Variants in FRK observed in about 807,000 individuals in gnomAD.
FRK encodes tyrosine-protein kinase FRK.
FRK carries 51 observed loss-of-function variants against 56.4 expected under a neutral mutation model. That is an observed-to-expected ratio of 0.90 (90% CI 0.72 to 1.14). The LOEUF is 1.14. Ranked by LOEUF, FRK falls within the 50% of genes most tolerant of loss-of-function variation. FRK has a pLI of 0.00. For synonymous variants in FRK, 245 were observed against 217.9 expected (o/e 1.12, Z -1.10); for missense variants, 570 against 601.4 (o/e 0.95, Z 0.55).
At chr6:116,050,139 C>T (rs780452729) in intron 1 of FRK, among the ~76,000 whole-genome samples, 9 of 152,166 alleles carry the variant, frequency 5.9e-5, no homozygotes, top group Non-Finnish European at 1.2e-4. Flanking sequence ...TGGCACTTAA[C>T]GGCTAGACCT....
chr6:115,973,603 C>T (rs933786954), intron 2 of FRK, among the ~76,000 whole-genome samples: 1 of 152,158 alleles, frequency 6.6e-6, no homozygotes, highest in Non-Finnish European at 1.5e-5. Context: ...GGCATGGTGG[C>T]TCATGCCTGT....
rs1268937775 is a variant in FRK, at chr6:115,938,157, C to T, written c.*4257G>A. On this transcript the variant is annotated 3_prime_UTR_variant, in exon 8 of 8. Coordinates refer to ENST00000606080, the MANE Select transcript of FRK (RefSeq NM_002031.3). ...AGACCACAGTGCAATCAAATTAGAA[C>T]TCAGGATTAAAACTGACAGAAAACC... The T allele has an allele frequency of 1.3e-5, 2 of 152,150 alleles. No homozygotes were observed. Among genetic ancestry groups the T allele is most frequent in the Admixed American group, 1.3e-4 (2 of 15,282 alleles). The allele number at this position is 152,150 out of a possible 1,614,324, so 9.4% of individuals were successfully genotyped here.
intron 1 of FRK, among the ~76,000 whole-genome samples, chr6:116,015,237 T>C (rs1775607252): frequency 1.3e-5 from 2 of 152,170 alleles, no homozygotes; most frequent in South Asian, 2.1e-4. Flanking sequence ...GCCGTTCTCA[T>C]GGTAGTGAGT....
At chr6:116,002,967 G>A (rs112713496) in intron 2 of FRK, among the ~76,000 whole-genome samples, 4,681 of 152,234 alleles carry the variant, frequency 0.031, 91 homozygotes, top group Non-Finnish European at 0.048. Context: ...GCTTTCATGC[G>A]GCATCATGAC....
intron 1 of FRK, chr6:116,039,571 C>A: frequency 1.2e-6 from 1 of 842,530 alleles, no homozygotes; most frequent in South Asian, 1.3e-5. Context: ...TGCCCCTCCC[C>A]TGCACATGTT....
At chr6:116,049,266 T>C (rs562365706) in intron 1 of FRK, among the ~76,000 whole-genome samples, 43 of 152,320 alleles carry the variant, frequency 2.8e-4, no homozygotes, top group Middle Eastern at 3.4e-3. Flanking sequence ...TCAGCTAAAC[T>C]CTACAACTTG....
intron 2 of FRK, among the ~76,000 whole-genome samples, chr6:115,974,114 T>G (rs1038894259): frequency 1.3e-5 from 2 of 152,116 alleles, no homozygotes; most frequent in African/African-American, 4.8e-5. Context: ...TAATTGGAAA[T>G]GATGGGAAGC....
chr6:116,063,840 TA>T (rs575032678), upstream of FRK, among the ~76,000 whole-genome samples: 1 of 151,858 alleles, frequency 6.6e-6, no homozygotes. Context: ...TATTTTTTTT[TA>T]AAAAAAGTAT....
rs530298504 is a variant in FRK, at chr6:115,990,708, A to G, written c.466+13169T>C. ...ATGTAGCATGAAGTTGGGTAATGTGATGCCTCCAACTTTGTTCCTTTTGCT... is the reference window on the plus strand; with the variant it reads ...ATGTAGCATGAAGTTGGGTAATGTGGTGCCTCCAACTTTGTTCCTTTTGCT... On this transcript the variant is annotated intron_variant, in intron 2 of 7. Coordinates refer to ENST00000606080, the MANE Select transcript of FRK (RefSeq NM_002031.3). 3.3e-5 allele frequency among the ~76,000 whole-genome samples: 5 copies of G among 152,030 alleles called. No individual in the cohort carries two copies. In the South Asian group the frequency reaches 1.0e-3, roughly 31 times the overall value.
the FRK span, among the ~76,000 whole-genome samples, chr6:116,095,608 T>C: frequency 1.8e-3 from 270 of 152,324 alleles, 3 homozygotes; most frequent in African/African-American, 5.8e-3. Flanking sequence ...CCCCTACTTA[T>C]AGGGTTAGAA....
At chr6:116,085,076 C>T in the FRK span, among the ~76,000 whole-genome samples, 395 of 152,100 alleles carry the variant, frequency 2.6e-3, 10 homozygotes, top group South Asian at 0.044. Context: ...TGTGTGAAAG[C>T]GTGGCTGAGG....
chr6:116,096,812 C>T, the FRK span, among the ~76,000 whole-genome samples: 2 of 152,240 alleles, frequency 1.3e-5, no homozygotes, highest in African/African-American at 4.8e-5. Flanking sequence ...TGTTCTTTCG[C>T]TCTTCACAAT....
chr6:116,068,797 C>G, the FRK span, among the ~76,000 whole-genome samples: 1 of 151,736 alleles, frequency 6.6e-6, no homozygotes, highest in Non-Finnish European at 1.5e-5. Flanking sequence ...CTTTACTGAT[C>G]TGAGTTCCCT....
At position 116,039,569 on chromosome 6, in the gene FRK, C is replaced by T. The variant is rs535955281; in HGVS notation, c.344+20399G>A. The T allele has an allele frequency of 2.5e-5, 21 of 848,344 alleles. No individual in the cohort carries two copies. The South Asian group carries it at 2.8e-4, about 11-fold the overall frequency. 52.6% of individuals were successfully genotyped at this position (848,344 alleles called of 1,614,324 possible). On this transcript the variant is annotated intron_variant, in intron 1 of 7. Transcript: ENST00000606080. ...CCCAGAAGCCCAGTAACTGCCCCTC[C>T]CCTGCACATGTTTCTGATGGTGTCA...
upstream of FRK, among the ~76,000 whole-genome samples, chr6:116,065,267 C>T (rs1259388576): frequency 2.0e-5 from 3 of 152,192 alleles, no homozygotes; most frequent in African/African-American, 7.2e-5. Context: ...TAGGCCTCAG[C>T]ACTAGGGCTT....
chr6:116,059,943 TTAAGTA>T lies in FRK; in HGVS notation c.344+19_344+24del. The T allele has an allele frequency of 1.3e-6, 2 of 1,572,938 alleles. No individual in the cohort carries two copies. Among genetic ancestry groups the T allele is most frequent in the Non-Finnish European group, 1.7e-6 (2 of 1,148,676 alleles). ...ACCCAGCCCTCAGAGAGTTCAGAAATTAAGTATAAGTTTGTACTACTCACGGCTCTG... is the reference window on the plus strand; with the variant it reads ...ACCCAGCCCTCAGAGAGTTCAGAAATTAAGTTTGTACTACTCACGGCTCTG... On this transcript the variant is annotated intron_variant, in intron 1 of 7. Coordinates refer to ENST00000606080, the MANE Select transcript of FRK (RefSeq NM_002031.3).
rs1481978142 is a variant in FRK, at chr6:115,938,097, T to C, written c.*4317A>G. ...TGGAAGTAAAACACTCCTCAGCAAA[T>C]GCAAAAGAACGGAAGTCATAACAAA... On this transcript the variant is annotated 3_prime_UTR_variant, in exon 8 of 8. Transcript: ENST00000606080. 6.6e-6 allele frequency: 1 copy of C among 151,978 alleles called. No individual in the cohort carries two copies. Among genetic ancestry groups the C allele is most frequent in the Non-Finnish European group, 1.5e-5 (1 of 68,026 alleles). 9.4% of individuals were successfully genotyped at this position (151,978 alleles called of 1,614,324 possible). A position where few individuals can be genotyped will look rare whatever the true frequency, so the allele number is the denominator to read the frequency against.
chr6:116,019,231 C>T (rs1268938541), intron 1 of FRK, among the ~76,000 whole-genome samples: 1 of 152,140 alleles, frequency 6.6e-6, no homozygotes, highest in African/African-American at 2.4e-5. Flanking sequence ...TTACTTATCA[C>T]TGAAATTCCA....
At chr6:116,051,440 CAG>C (rs1777176742) in intron 1 of FRK, among the ~76,000 whole-genome samples, 1 of 152,052 alleles carries the variant, frequency 6.6e-6, no homozygotes, top group Non-Finnish European at 1.5e-5. Flanking sequence ...TGCATCATGA[CAG>C]AAAGATATTA....
Sources: allele counts gnomAD v4.1 joint callset (sites outside exome capture counted in the v4.1 genomes callset), GRCh38; gene constraint gnomAD v4.1.1; transcripts MANE v1.5; gene names NCBI Gene and HGNC (gene_info 2026-07-23, HGNC 2026-07-21).